Variants in OR5M3 observed in about 807,000 individuals in gnomAD.
OR5M3 encodes the protein olfactory receptor family 5 subfamily M member 3, also known as olfactory receptor 5M3.
For synonymous variants in OR5M3, 129 were observed against 131.3 expected (o/e 0.98, Z 0.12); for missense variants, 384 against 378.6 (o/e 1.01, Z -0.12).
In OR5M3 at chr11:56,469,860, A is replaced by T. The variant is rs572035950; in HGVS notation, c.638T>A (p.Ile213Asn). Residue 213 changes from isoleucine to asparagine, a missense_variant, in exon 2 of 2, where the codon ATC (isoleucine) becomes AAC (asparagine). By Grantham distance (149) the Ile-to-Asn change is moderately radical. Coordinates refer to ENST00000641993, the MANE Select transcript of OR5M3 (RefSeq NM_001004742.3). ...AATGAGGATGAATAAGTAAGAGATG[A>T]TAATTACAGTCAGGGAATATGTGAA... The part of the protein sequence containing the change: ...INFTYSLTVI[I>N]ISYLFILIAI... 54 of 1,613,194 alleles carry T rather than the reference A, an allele frequency of 3.3e-5. 1 individual carries two copies. The South Asian group carries it at 5.7e-4, about 17-fold the overall frequency.
At chr11:56,472,463 A>G (rs1426725169) in intron 1 of OR5M3, among the ~76,000 whole-genome samples, 3 of 152,054 alleles carry the variant, frequency 2.0e-5, no homozygotes, top group East Asian at 3.9e-4. Context: ...TTGGAAAGTC[A>G]TATCTCATTT....
intron 1 of OR5M3, among the ~76,000 whole-genome samples, chr11:56,472,526 G>A (rs1853678032): frequency 6.6e-6 from 1 of 152,026 alleles, no homozygotes; most frequent in South Asian, 2.1e-4. Context: ...GGCATTGTTA[G>A]TACTCCCCTC....
At chr11:56,471,858 G>T (rs535634853) in intron 1 of OR5M3, among the ~76,000 whole-genome samples, 7 of 151,944 alleles carry the variant, frequency 4.6e-5, no homozygotes, top group Non-Finnish European at 1.0e-4. Context: ...TTGGAGATGC[G>T]ATTGTGTCAA....
At position 56,470,314 on chromosome 11, in the gene OR5M3, T is replaced by A; in HGVS notation, c.184A>T (p.Ser62Cys). 2 of 1,613,820 alleles carry A rather than the reference T, an allele frequency of 1.2e-6. No homozygotes were observed. Among genetic ancestry groups the A allele is most frequent in the South Asian group, 1.1e-5 (1 of 91,048 alleles). Reference protein sequence around the residue: ...QLNNPMYFFLSHLSFVDVWFS... With the variant: ...QLNNPMYFFLCHLSFVDVWFS... ...CACACATCAACAAATGACAAGTGAC[T>A]GAGGAAAAAGTACATGGGGTTGTTA... is the stretch of plus-strand genomic sequence containing the variant. The change falls in exon 2 of 2, where the codon AGT becomes TGT. Residue 62 changes from serine to cysteine, a missense_variant. Ser to Cys is a moderately radical substitution (Grantham distance 112, BLOSUM62 -1). Coordinates refer to ENST00000641993, the MANE Select transcript of OR5M3 (RefSeq NM_001004742.3).
rs1853639294 is a variant in OR5M3, at chr11:56,469,488, T to C, written c.*86A>G. 3 of 701,434 alleles carry C rather than the reference T, an allele frequency of 4.3e-6. No homozygotes were observed. Among genetic ancestry groups the C allele is most frequent in the Middle Eastern group, 2.9e-4 (1 of 3,446 alleles). The allele number at this position is 701,434 out of a possible 1,614,324, so 43.5% of individuals were successfully genotyped here. A position where few individuals can be genotyped will look rare whatever the true frequency, so the allele number is the denominator to read the frequency against. Reference sequence around the variant, plus strand: ...CTTTTCAACCCACAGAATATCTTTATCTTAATGTTCCTAGGTACTGGGTAA... The same window carrying C: ...CTTTTCAACCCACAGAATATCTTTACCTTAATGTTCCTAGGTACTGGGTAA... On this transcript the variant is annotated 3_prime_UTR_variant, in exon 2 of 2. Coordinates refer to ENST00000641993, the MANE Select transcript of OR5M3 (RefSeq NM_001004742.3).
Position 56,470,517 on chromosome 11 carries a change from T to C in OR5M3, c.-20A>G. 3 of 1,467,716 alleles carry C rather than the reference T, an allele frequency of 2.0e-6. No individual in the cohort carries two copies. Among genetic ancestry groups the C allele is most frequent in the Non-Finnish European group, 2.8e-6 (3 of 1,089,180 alleles). 90.9% of individuals were successfully genotyped at this position (1,467,716 alleles called of 1,614,324 possible). A position where few individuals can be genotyped will look rare whatever the true frequency, so the allele number is the denominator to read the frequency against. ...GAGCATTTTCTGAATTCTAAGTCAA[T>C]ATCAGTTACAAAACTTTTTGATAAC... On this transcript the variant is annotated 5_prime_UTR_variant, in exon 2 of 2. It adds an upstream start codon to the 5' untranslated region. Transcript: ENST00000641993.
chr11:56,470,242 C>A lies in OR5M3; in HGVS notation c.256G>T (p.Asp86Tyr). Reference sequence around the variant, plus strand: ...CCAGCATAAGTAATTGTTTTTTTATCTGATAACAGGTTTTCCAACATTTTA... The same window carrying A: ...CCAGCATAAGTAATTGTTTTTTTATATGATAACAGGTTTTCCAACATTTTA... ...TPKMLENLLS[D>Y]KKTITYAGCL... The change falls in exon 2 of 2, where the codon GAT (aspartate) becomes TAT (tyrosine). Residue 86 changes from aspartate (D) to tyrosine (Y), a missense_variant. Physicochemically the swap from Asp to Tyr is radical, Grantham distance 160 (BLOSUM62 -3). Transcript: ENST00000641993. 1 of 1,613,226 alleles carries A rather than the reference C, an allele frequency of 6.2e-7. No individual in the cohort carries two copies. Among genetic ancestry groups the A allele is most frequent in the Non-Finnish European group, 8.5e-7 (1 of 1,179,426 alleles).
chr11:56,471,590 A>T (rs559806025), intron 1 of OR5M3, among the ~76,000 whole-genome samples: 10 of 151,940 alleles, frequency 6.6e-5, no homozygotes, highest in Non-Finnish European at 1.2e-4. Context: ...AAAGTTATTT[A>T]CTGTACACAT....
chr11:56,470,376 A>G lies in OR5M3; in HGVS notation c.122T>C (p.Ile41Thr). ...VVYIITMVGN[I>T]GMMVLIKVSP... ...GACCTTGATTAACACCATCATGCCGATATTGCCCACCATGGTGATGATGTA... is the reference window on the plus strand; with the variant it reads ...GACCTTGATTAACACCATCATGCCGGTATTGCCCACCATGGTGATGATGTA... Residue 41 changes from isoleucine to threonine, a missense_variant, in exon 2 of 2, where the codon ATC becomes ACC. Physicochemically the swap from Ile to Thr is moderately conservative, Grantham distance 89 (BLOSUM62 -1). Coordinates refer to ENST00000641993, the MANE Select transcript of OR5M3 (RefSeq NM_001004742.3). The G allele has an allele frequency of 1.9e-6, 3 of 1,613,614 alleles. No homozygotes were observed. Among genetic ancestry groups the G allele is most frequent in the Non-Finnish European group, 2.5e-6 (3 of 1,179,746 alleles).
At chr11:56,471,645 CTATT>C (rs1590904550) in intron 1 of OR5M3, among the ~76,000 whole-genome samples, 2 of 150,806 alleles carry the variant, frequency 1.3e-5, no homozygotes, top group South Asian at 4.2e-4. Context: ...ACACACACCT[CTATT>C]TATGTATATA....
chr11:56,471,116 A>G (rs1311404600), intron 1 of OR5M3, among the ~76,000 whole-genome samples: 2 of 152,080 alleles, frequency 1.3e-5, no homozygotes, highest in African/African-American at 4.8e-5. Flanking sequence ...TTCACACTAT[A>G]TAAACATTTC....
At chr11:56,471,041 G>C (rs986429904) in intron 1 of OR5M3, among the ~76,000 whole-genome samples, 4 of 151,550 alleles carry the variant, frequency 2.6e-5, no homozygotes, top group African/African-American at 9.7e-5. Context: ...ATTTTCAACT[G>C]AAGAACAAAA....
chr11:56,473,253 T>A lies in OR5M3; in HGVS notation c.-77A>T, dbSNP rs1853684157. On this transcript the variant is annotated 5_prime_UTR_variant, in exon 1 of 2. Coordinates refer to ENST00000641993, the MANE Select transcript of OR5M3 (RefSeq NM_001004742.3). ...TGATGAGAAATATTCCCAATGTGGT[T>A]GCAGAGTTGAAAAGCGCATGCTATA... The A allele has an allele frequency of 6.6e-6, 1 of 152,150 alleles. No individual in the cohort carries two copies. The highest frequency in any genetic ancestry group is 1.5e-5 in the Non-Finnish European group (1 of 68,014). The allele number at this position is 152,150 out of a possible 1,614,324, so 9.4% of individuals were successfully genotyped here.
chr11:56,470,028 G>A lies in OR5M3; in HGVS notation c.470C>T (p.Ala157Val), dbSNP rs374530318. 1 of 1,613,196 alleles carries A rather than the reference G, an allele frequency of 6.2e-7. No individual in the cohort carries two copies. Among genetic ancestry groups the A allele is most frequent in the African/African-American group, 1.3e-5 (1 of 74,882 alleles). ...GTACAAGCCGTAAGTCCATAATGTT[G>A]CTGCCAGACTCGTCAGAAAACCATA... ...YIYGFLTSLA[A>V]TLWTYGLYFC... Residue 157 changes from alanine to valine, a missense_variant, in exon 2 of 2, where the codon GCA becomes GTA. Physicochemically the swap from Ala to Val is moderately conservative, Grantham distance 64 (BLOSUM62 0). Transcript: ENST00000641993.
At position 56,469,812 on chromosome 11, in the gene OR5M3, G is replaced by T. The variant is rs142835985; in HGVS notation, c.686C>A (p.Ala229Glu). The T allele has an allele frequency of 1.1e-4, 179 of 1,610,758 alleles. No homozygotes were observed. In the African/African-American group the frequency reaches 2.2e-3, roughly 20 times the overall value. Residue 229 changes from alanine (A) to glutamate (E), a missense_variant, in exon 2 of 2, where the codon GCA becomes GAA. By Grantham distance (107) the Ala-to-Glu change is moderately radical. Transcript: ENST00000641993. The stretch of plus-strand genomic sequence containing the variant: ...GGAAAAGGCCTTCTGCCTTCCTTCT[G>T]CTGAGCGCATTCGCAGAATGGCAAT... ...ILIAILRMRS[A>E]EGRQKAFSTC...
At chr11:56,471,665 G>A (rs7105033) in intron 1 of OR5M3, among the ~76,000 whole-genome samples, 4,191 of 151,498 alleles carry the variant, frequency 0.028, 80 homozygotes, top group Non-Finnish European at 0.042. Flanking sequence ...ATATACATAT[G>A]TATATATATA....
Position 56,469,581 on chromosome 11 carries a change from G to C in OR5M3, c.917C>G (p.Ser306Ter). The change falls in exon 2 of 2, where the codon TCA (serine) becomes TGA (stop). Residue 306 changes from serine to a stop codon, truncating the protein, a stop_gained. Coordinates refer to ENST00000641993, the MANE Select transcript of OR5M3 (RefSeq NM_001004742.3). LOFTEE classifies it high-confidence loss of function. ...KKAMMKVISR[S>*]C ...AATTTGATTTTATTTTGTTTAACATGATCTGCTGATCACTTTCATCATGGC... is the reference window on the plus strand; with the variant it reads ...AATTTGATTTTATTTTGTTTAACATCATCTGCTGATCACTTTCATCATGGC... 1 of 1,488,436 alleles carries C rather than the reference G, an allele frequency of 6.7e-7. No individual in the cohort carries two copies. Among genetic ancestry groups the C allele is most frequent in the Non-Finnish European group, 9.0e-7 (1 of 1,108,516 alleles). The allele number at this position is 1,488,436 out of a possible 1,614,324, so 92.2% of individuals were successfully genotyped here. A position where few individuals can be genotyped will look rare whatever the true frequency, so the allele number is the denominator to read the frequency against.
chr11:56,469,896 G>T lies in OR5M3; in HGVS notation c.602C>A (p.Ala201Asp). Residue 201 changes from alanine to aspartate, a missense_variant, in exon 2 of 2, where the codon GCC becomes GAC. Coordinates refer to ENST00000641993, the MANE Select transcript of OR5M3 (RefSeq NM_001004742.3). ...FVKEYTMIIL[A>D]GINFTYSLTV... ...CAGGGAATATGTGAAGTTAATGCCG[G>T]CAAGTATGATCATTGTATATTCTTT... 1 of 1,613,004 alleles carries T rather than the reference G, an allele frequency of 6.2e-7. No individual in the cohort carries two copies. Among genetic ancestry groups the T allele is most frequent in the Non-Finnish European group, 8.5e-7 (1 of 1,179,042 alleles).
At chr11:56,472,451 A>C (rs1003734912) in intron 1 of OR5M3, among the ~76,000 whole-genome samples, 1 of 151,992 alleles carries the variant, frequency 6.6e-6, no homozygotes, top group African/African-American at 2.4e-5. Context: ...AGGGATTCTT[A>C]TTTGGAAAGT....
Sources: allele counts gnomAD v4.1 joint callset (sites outside exome capture counted in the v4.1 genomes callset), GRCh38; gene constraint gnomAD v4.1.1; transcripts MANE v1.5; gene names NCBI Gene and HGNC (gene_info 2026-07-23, HGNC 2026-07-21).